Variants in LIFR observed in about 807,000 individuals in gnomAD.
LIFR encodes the protein leukemia inhibitory factor receptor.
LIFR carries 84 observed loss-of-function variants against 122.2 expected under a neutral mutation model. The observed-to-expected ratio is 0.69, with a 90% CI of 0.58 to 0.82. The LOEUF is 0.82. LIFR is among the 40% of genes least tolerant of loss of function. The pLI, the probability that LIFR is intolerant of heterozygous loss-of-function variation, is 0.00. For synonymous variants in LIFR, 422 were observed against 434.7 expected (o/e 0.97, Z 0.36); for missense variants, 1,294 against 1,311.6 (o/e 0.99, Z 0.21).
chr5:38,538,886 C>T (rs551365013), intron 1 of LIFR, among the ~76,000 whole-genome samples: 2 of 152,356 alleles, frequency 1.3e-5, no homozygotes, highest in Non-Finnish European at 1.5e-5. Context: ...ACCGTCCACA[C>T]TAAAATTCAC....
intron 5 of LIFR, among the ~76,000 whole-genome samples, chr5:38,521,227 T>C (rs1746380783): frequency 6.6e-6 from 1 of 152,166 alleles, no homozygotes; most frequent in Admixed American, 6.5e-5. Flanking sequence ...TTTCAGCCAG[T>C]TCATTATTAG....
At chr5:38,588,283 T>A (rs1372669063) in intron 1 of LIFR, among the ~76,000 whole-genome samples, 1 of 152,046 alleles carries the variant, frequency 6.6e-6, no homozygotes, top group Non-Finnish European at 1.5e-5. Flanking sequence ...GAAACCAAAC[T>A]CTCAGGGCTA....
At chr5:38,490,969 C>T (rs2112403633) in intron 14 of LIFR, among the ~76,000 whole-genome samples, 1 of 152,206 alleles carries the variant, frequency 6.6e-6, no homozygotes, top group South Asian at 2.1e-4. Context: ...TCTATAAATC[C>T]CTTCCTTACC....
chr5:38,553,622 C>CTATATATATA lies in LIFR; in HGVS notation c.-20+2702_-20+2711dup, dbSNP rs66547796. ...CTAAGAGGAGTTTGGACCATTTAAACTATATATATATATATATATATATAT... is the reference window on the plus strand; with the variant it reads ...CTAAGAGGAGTTTGGACCATTTAAACTATATATATATATATATATATATATATATATATAT... On this transcript the variant is annotated intron_variant, in intron 1 of 19. Transcript: ENST00000453190. 2.0e-3 allele frequency among the ~76,000 whole-genome samples: 84 copies of CTATATATATA among 41,614 alleles called. 1 individual carries two copies. The highest frequency in any genetic ancestry group is 3.4e-3 in the Non-Finnish European group (57 of 16,632). The allele number at this position is 41,614 out of a possible 152,430, so 27.3% of individuals were successfully genotyped here.
intron 1 of LIFR, among the ~76,000 whole-genome samples, chr5:38,545,650 C>T (rs1747842418): frequency 6.6e-6 from 1 of 151,938 alleles, no homozygotes; most frequent in African/African-American, 2.4e-5. Flanking sequence ...ATCACGAGGT[C>T]AGGAAATCAA....
At chr5:38,519,267 C>CT (rs1190927747) in intron 5 of LIFR, among the ~76,000 whole-genome samples, 11 of 152,140 alleles carry the variant, frequency 7.2e-5, no homozygotes, top group African/African-American at 2.7e-4. Flanking sequence ...CCCAGAGAAA[C>CT]TTTTAGTCCT....
At chr5:38,599,702 C>A (rs1388504792), upstream of LIFR, among the ~76,000 whole-genome samples, 1 of 152,022 alleles carries the variant, frequency 6.6e-6, no homozygotes, top group Non-Finnish European at 1.5e-5. Context: ...TTGGGGACAG[C>A]TTTAGGTACT....
chr5:38,574,099 G>C (rs946964812), intron 1 of LIFR, among the ~76,000 whole-genome samples: 1 of 152,018 alleles, frequency 6.6e-6, no homozygotes, highest in African/African-American at 2.4e-5. Context: ...CTGGGCAACA[G>C]AGTGAGACTC....
At chr5:38,604,074 C>T (rs1001940826) in intron 2 of LIFR, among the ~76,000 whole-genome samples, 1 of 152,138 alleles carries the variant, frequency 6.6e-6, no homozygotes, top group Non-Finnish European at 1.5e-5. Context: ...GCAGTGAACA[C>T]GAGCATAATC....
At chr5:38,530,427 A>T (rs1746939958) in intron 2 of LIFR, 79 bp downstream of exon 2, 18 of 1,281,764 alleles carry the variant, frequency 1.4e-5, no homozygotes, top group Non-Finnish European at 1.9e-5. Flanking sequence ...AGGGGTCAAT[A>T]AAGCAACAAA....
intron 1 of LIFR, among the ~76,000 whole-genome samples, chr5:38,594,207 A>C (rs1750023054): frequency 1.3e-5 from 2 of 152,148 alleles, no homozygotes; most frequent in African/African-American, 4.8e-5. Flanking sequence ...TTGTGCAAAG[A>C]AAAAAGTGTA....
chr5:38,484,160 G>A (rs1280210396), intron 18 of LIFR, among the ~76,000 whole-genome samples: 2 of 152,142 alleles, frequency 1.3e-5, no homozygotes, highest in African/African-American at 2.4e-5. Flanking sequence ...CAGCCGTGAC[G>A]GGCCATGGCC....
intron 1 of LIFR, among the ~76,000 whole-genome samples, chr5:38,553,638 A>ATATATAT (rs1748336558): frequency 2.6e-5 from 2 of 78,256 alleles, no homozygotes; most frequent in African/African-American, 7.2e-5. Context: ...ATATATATAT[A>ATATATAT]TATATATATA....
intron 9 of LIFR, among the ~76,000 whole-genome samples, chr5:38,505,548 A>G (rs1246278232): frequency 6.6e-6 from 1 of 152,196 alleles, no homozygotes; most frequent in African/African-American, 2.4e-5. Flanking sequence ...CTAGAATTAT[A>G]TAAGATGACA....
chr5:38,530,325 T>C (rs1746933090), intron 2 of LIFR, among the ~76,000 whole-genome samples, 181 bp downstream of exon 2: 1 of 152,214 alleles, frequency 6.6e-6, no homozygotes, highest in African/African-American at 2.4e-5. Flanking sequence ...AAATAATATT[T>C]TGATCTATCA....
At chr5:38,560,874 G>A (rs994338853), upstream of LIFR, among the ~76,000 whole-genome samples, 1 of 152,104 alleles carries the variant, frequency 6.6e-6, no homozygotes, top group African/African-American at 2.4e-5. Flanking sequence ...GGGATTACAT[G>A]CATGAGCCAC....
chr5:38,574,094 C>A (rs771962388), intron 1 of LIFR, among the ~76,000 whole-genome samples: 2 of 151,794 alleles, frequency 1.3e-5, no homozygotes, highest in Non-Finnish European at 2.9e-5. Flanking sequence ...CCAGCCTGGG[C>A]AACAGAGTGA....
chr5:38,534,202 T>G (rs1243128469), intron 1 of LIFR, among the ~76,000 whole-genome samples: 1 of 152,162 alleles, frequency 6.6e-6, no homozygotes, highest in Admixed American at 6.5e-5. Context: ...AGCAACTATT[T>G]TCCTTATCCC....
upstream of LIFR, among the ~76,000 whole-genome samples, chr5:38,599,022 T>C (rs1750175959): frequency 6.6e-6 from 1 of 152,244 alleles, no homozygotes; most frequent in Admixed American, 6.5e-5. Flanking sequence ...GGGTATAACC[T>C]TCTTCTATGC....
Sources: gnomAD v4.1 joint callset for allele counts (sites outside exome capture counted in the v4.1 genomes callset) on GRCh38, gnomAD v4.1.1 for gene constraint, MANE v1.5 for transcripts, NCBI Gene and HGNC (gene_info 2026-07-23, HGNC 2026-07-21) for gene names.